The following MKLN1 variants were observed in gnomAD, a reference collection of about 807,000 sequenced individuals.
MKLN1 encodes muskelin 1.
In MKLN1, 18 loss-of-function variants were observed where a neutral mutation model predicts 99.0. That is an observed-to-expected ratio of 0.18 (90% CI 0.13 to 0.27). MKLN1 has a LOEUF of 0.27. Ranked by LOEUF, MKLN1 falls within the 10% of genes least tolerant of loss-of-function variation. The pLI, the probability that MKLN1 is intolerant of heterozygous loss-of-function variation, is 1.00. For synonymous variants in MKLN1, 288 were observed against 293.2 expected, an observed-to-expected ratio of 0.98 and a Z score of 0.18; for missense variants, 621 against 875.9, an observed-to-expected ratio of 0.71 and a Z score of 3.67.
At chr7:131,289,486 C>A (rs1798184666) in intron 3 of MKLN1, among the ~76,000 whole-genome samples, 1 of 152,138 alleles carries the variant, frequency 6.6e-6, no homozygotes, top group Admixed American at 6.5e-5. Context: ...ACAACCCCAA[C>A]CGCAAATCCT....
chr7:131,140,925 G>A (rs540384132), intron 1 of MKLN1, among the ~76,000 whole-genome samples: 18 of 152,100 alleles, frequency 1.2e-4, no homozygotes, highest in African/African-American at 2.9e-4. Context: ...GACTATAGGC[G>A]CGTGCCACCA....
intron 3 of MKLN1, among the ~76,000 whole-genome samples, chr7:131,221,408 G>A (rs1451082695): frequency 6.6e-6 from 1 of 152,138 alleles, no homozygotes; most frequent in Non-Finnish European, 1.5e-5. Flanking sequence ...ATGCTGAGAG[G>A]GTAAGTGCAG....
At chr7:131,131,193 T>TTAAA (rs56293710) in intron 1 of MKLN1, among the ~76,000 whole-genome samples, 12,874 of 135,990 alleles carry the variant, frequency 0.095, 764 homozygotes, top group Admixed American at 0.17. Context: ...TCACCTCTAC[T>TTAAA]TAAATAAATA....
chr7:131,275,558 TATATATA>T (rs1459550528), intron 3 of MKLN1, among the ~76,000 whole-genome samples: 4 of 28,152 alleles, frequency 1.4e-4, no homozygotes, highest in African/African-American at 7.6e-4. Flanking sequence ...TATATATATA[TATATATA>T]TATTTTTTTT....
At chr7:131,291,351 G>C (rs1008522830) in intron 3 of MKLN1, among the ~76,000 whole-genome samples, 1 of 150,882 alleles carries the variant, frequency 6.6e-6, no homozygotes, top group Non-Finnish European at 1.5e-5. Flanking sequence ...GGCTGGTCTC[G>C]AACTCCTGAC....
At chr7:131,200,799 T>TAA (rs1246767034) in intron 2 of MKLN1, among the ~76,000 whole-genome samples, 1 of 152,258 alleles carries the variant, frequency 6.6e-6, no homozygotes, top group East Asian at 1.9e-4. Context: ...CGTGTTCTAA[T>TAA]TTAAAGATAG....
intron 8 of MKLN1, among the ~76,000 whole-genome samples, chr7:131,420,688 T>G (rs1163201916): frequency 1.3e-5 from 2 of 152,210 alleles, no homozygotes; most frequent in African/African-American, 4.8e-5. Context: ...ATTTCCACAT[T>G]GTTTTAGAGT....
Position 131,493,245 on chromosome 7 carries a change from A to G in MKLN1, c.*5517A>G, listed in dbSNP as rs1439593531. The stretch of plus-strand genomic sequence containing the variant: ...GCTTTTCAGACAGCCTCAGTGAACT[A>G]TTAAACATTTGTGTGCAAAGTCCTA... On this transcript the variant is annotated 3_prime_UTR_variant, in exon 18 of 18. Transcript: ENST00000352689. The G allele has an allele frequency of 6.6e-6, 1 of 152,144 alleles. No homozygotes were observed. Among genetic ancestry groups the G allele is most frequent in the African/African-American group, 2.4e-5 (1 of 41,442 alleles). 9.4% of individuals were successfully genotyped at this position (152,144 alleles called of 1,614,324 possible). A position where few individuals can be genotyped will look rare whatever the true frequency, so the allele number is the denominator to read the frequency against.
chr7:131,115,881 C>T (rs1277658224), intron 1 of MKLN1, among the ~76,000 whole-genome samples: 2 of 152,186 alleles, frequency 1.3e-5, no homozygotes, highest in Non-Finnish European at 2.9e-5. Flanking sequence ...CTCCACGTTT[C>T]CAACCATCCT....
intron 2 of MKLN1, among the ~76,000 whole-genome samples, chr7:131,155,015 C>T (rs1164205794): frequency 6.6e-6 from 1 of 152,056 alleles, no homozygotes; most frequent in African/African-American, 2.4e-5. Flanking sequence ...ATAGTTCTGC[C>T]AATCTATGTC....
rs142689824 is a variant in MKLN1 at position 131,327,920 on chromosome 7, C to A, written c.21C>A (p.Val7=). 5 of 1,612,790 alleles carry A rather than the reference C, an allele frequency of 3.1e-6. No individual in the cohort carries two copies. The African/African-American group carries it at 5.3e-5, about 17-fold the overall frequency. The change falls in exon 1 of 18, where the codon GTC becomes GTA. Residue 7 remains valine (V), a synonymous_variant. Coordinates refer to ENST00000352689, the MANE Select transcript of MKLN1 (RefSeq NM_013255.5). The part of the protein sequence containing the change: MAAGGA[V]AAAPECRLLP... ...ACAAGATGGCGGCTGGCGGAGCTGT[C>A]GCTGCGGCGCCCGAGTGCCGGCTTC...
chr7:131,248,546 C>G (rs1179124911), intron 3 of MKLN1, among the ~76,000 whole-genome samples: 2 of 152,152 alleles, frequency 1.3e-5, no homozygotes, highest in African/African-American at 4.8e-5. Context: ...TGCTTACTTA[C>G]TGTAGGGGGT....
chr7:131,389,614 A>G (rs1181888664), intron 4 of MKLN1, among the ~76,000 whole-genome samples: 1 of 152,176 alleles, frequency 6.6e-6, no homozygotes, highest in African/African-American at 2.4e-5. Context: ...TGCATCCTCA[A>G]AATTAGTATT....
chr7:131,375,500 T>A lies in MKLN1; in HGVS notation c.168+7T>A, dbSNP rs755517558. ...GAGCAACTATCCTCCCCAGGTAAGA[T>A]TACATGTATCCCTTAATGCTGTTTA... On this transcript the variant is annotated splice_region_variant and intron_variant, in intron 2 of 17. Coordinates refer to ENST00000352689, the MANE Select transcript of MKLN1 (RefSeq NM_013255.5). 1.0e-4 allele frequency: 162 copies of A among 1,573,898 alleles called. No homozygotes were observed. Among genetic ancestry groups the A allele is most frequent in the Non-Finnish European group, 1.4e-4 (156 of 1,143,608 alleles).
At chr7:131,199,445 G>A (rs568831352) in intron 2 of MKLN1, among the ~76,000 whole-genome samples, 51 of 152,036 alleles carry the variant, frequency 3.4e-4, no homozygotes, top group African/African-American at 1.2e-3. Context: ...GTAGAGATAG[G>A]TTCTCATTAT....
chr7:131,192,194 TA>T (rs1563247465), intron 2 of MKLN1, among the ~76,000 whole-genome samples: 2,698 of 81,076 alleles, frequency 0.033, 247 homozygotes, highest in Admixed American at 0.043. Context: ...ATATAAAATA[TA>T]ATATATACAA....
chr7:131,315,274 C>A (rs988244584), intron 3 of MKLN1, among the ~76,000 whole-genome samples: 4 of 151,838 alleles, frequency 2.6e-5, no homozygotes, highest in African/African-American at 4.8e-5. Flanking sequence ...GGAGAGCAAG[C>A]AGAAGGGTGG....
chr7:131,473,064 A>G (rs1796871268), intron 16 of MKLN1, among the ~76,000 whole-genome samples: 1 of 152,108 alleles, frequency 6.6e-6, no homozygotes, highest in Non-Finnish European at 1.5e-5. Flanking sequence ...TTACTGGTCC[A>G]TAGTATTAAT....
At position 131,231,613 on chromosome 7, in the gene MKLN1, C is replaced by T. The variant is rs114835806; in HGVS notation, c.-179+28639C>T. On this transcript the variant is annotated intron_variant, in intron 3 of 7. Transcript: ENST00000416992. ...GGCTGGGCATGTGTGCATGCTCGTG[C>T]GTGCAGATCTGCGTCTGTGTGTCTA... Among the ~76,000 whole-genome samples the T allele has an allele frequency of 7.5e-3, 1,138 of 152,208 alleles. 14 individuals carry two copies. Among genetic ancestry groups the T allele is most frequent in the African/African-American group, 0.026 (1,090 of 41,502 alleles).
Sources: allele counts gnomAD v4.1 joint callset (sites outside exome capture counted in the v4.1 genomes callset), GRCh38; gene constraint gnomAD v4.1.1; transcripts MANE v1.5; gene names NCBI Gene and HGNC (gene_info 2026-07-23, HGNC 2026-07-21).